The following CSTPP1 variants were observed in gnomAD, a reference collection of about 807,000 sequenced individuals.
CSTPP1 encodes centriolar satellite-associated tubulin polyglutamylase complex regulator 1.
the CSTPP1 span, among the ~76,000 whole-genome samples, chr11:47,034,012 G>A: frequency 6.6e-5 from 10 of 151,874 alleles, no homozygotes; most frequent in Admixed American, 2.0e-4. Flanking sequence ...CATCATTTAC[G>A]TTAGGTATAT....
At chr11:46,986,499 G>A in the CSTPP1 span, among the ~76,000 whole-genome samples, 4 of 148,590 alleles carry the variant, frequency 2.7e-5, no homozygotes, top group East Asian at 7.9e-4. Flanking sequence ...TGGCTCTGTC[G>A]CCCAGGCTGG....
chr11:47,062,927 G>T, the CSTPP1 span, among the ~76,000 whole-genome samples: 1 of 152,194 alleles, frequency 6.6e-6, no homozygotes, highest in Non-Finnish European at 1.5e-5. Context: ...AGATGCAGCT[G>T]CTCCCTTTAG....
At chr11:47,159,558 G>T in the CSTPP1 span, 7 of 449,382 alleles carry the variant, frequency 1.6e-5, no homozygotes, top group African/African-American at 1.4e-4. Context: ...TCAAGAGTAA[G>T]GGGGAGGCGG....
At chr11:47,077,505 TA>T in the CSTPP1 span, among the ~76,000 whole-genome samples, 1 of 152,136 alleles carries the variant, frequency 6.6e-6, no homozygotes, top group Non-Finnish European at 1.5e-5. Context: ...CAGCCGAGGA[TA>T]AAGATTTTTA....
chr11:47,105,362 T>C, the CSTPP1 span, among the ~76,000 whole-genome samples: 1 of 152,064 alleles, frequency 6.6e-6, no homozygotes, highest in South Asian at 2.1e-4. Flanking sequence ...TTAAAAGTAG[T>C]TGGGCGTGGT....
chr11:47,069,438 C>T, the CSTPP1 span, among the ~76,000 whole-genome samples: 1 of 152,260 alleles, frequency 6.6e-6, no homozygotes, highest in South Asian at 2.1e-4. Flanking sequence ...ATGCATTGCC[C>T]ATGTGATTTT....
the CSTPP1 span, among the ~76,000 whole-genome samples, chr11:47,049,340 AAAAATATGTAGAT>A: frequency 1.5e-4 from 23 of 151,978 alleles, no homozygotes; most frequent in Non-Finnish European, 2.9e-4. Flanking sequence ...AGACATTTTC[AAAAATATGTAGAT>A]AGGCCAGGCG....
At chr11:47,161,579 C>A in the CSTPP1 span, 1 of 1,614,070 alleles carries the variant, frequency 6.2e-7, no homozygotes, top group Middle Eastern at 1.6e-4. Context: ...CCATCATTCC[C>A]GAAAAGTGGA....
the CSTPP1 span, among the ~76,000 whole-genome samples, chr11:47,017,315 C>T: frequency 4.6e-5 from 7 of 151,700 alleles, no homozygotes; most frequent in African/African-American, 1.7e-4. Context: ...GCTGGGACTA[C>T]AGGTGCATGC....
At chr11:47,044,294 T>A in the CSTPP1 span, among the ~76,000 whole-genome samples, 1 of 152,138 alleles carries the variant, frequency 6.6e-6, no homozygotes, top group Non-Finnish European at 1.5e-5. Flanking sequence ...GACAGTTTAT[T>A]TTTATTTATC....
chr11:47,161,568 T>G, the CSTPP1 span: 2 of 1,614,094 alleles, frequency 1.2e-6, no homozygotes, highest in Non-Finnish European at 1.7e-6. Context: ...TGGAGACCTC[T>G]CCATCATTCC....
the CSTPP1 span, among the ~76,000 whole-genome samples, chr11:46,958,473 A>AT: frequency 2.8e-5 from 4 of 144,996 alleles, no homozygotes; most frequent in East Asian, 8.3e-4. Context: ...ATATGTGGAT[A>AT]TTTTTTCTTT....
the CSTPP1 span, among the ~76,000 whole-genome samples, chr11:47,085,397 T>C: frequency 6.6e-6 from 1 of 152,144 alleles, no homozygotes; most frequent in Non-Finnish European, 1.5e-5. Context: ...GGTGGTATCA[T>C]ATTAATGAAT....
chr11:47,153,874 G>A, the CSTPP1 span, among the ~76,000 whole-genome samples: 1 of 152,282 alleles, frequency 6.6e-6, no homozygotes, highest in East Asian at 1.9e-4. Flanking sequence ...CCAGTTGCCA[G>A]TCTGGGAAAC....
At chr11:47,078,230 G>T in the CSTPP1 span, among the ~76,000 whole-genome samples, 1 of 152,214 alleles carries the variant, frequency 6.6e-6, no homozygotes, top group African/African-American at 2.4e-5. Context: ...AGTATGACAG[G>T]TTAGAAGAAT....
the CSTPP1 span, chr11:47,041,660 TG>T: frequency 2.2e-6 from 1 of 445,292 alleles, no homozygotes. Flanking sequence ...AAGAACTCAC[TG>T]GGCAGCTATG....
the CSTPP1 span, among the ~76,000 whole-genome samples, chr11:47,118,769 G>C: frequency 6.6e-6 from 1 of 152,204 alleles, no homozygotes; most frequent in East Asian, 1.9e-4. Context: ...GTTTGCCTGG[G>C]TATCACCAGC....
chr11:46,946,606 C>G, the CSTPP1 span, among the ~76,000 whole-genome samples: 1 of 152,116 alleles, frequency 6.6e-6, no homozygotes, highest in East Asian at 1.9e-4. Flanking sequence ...TGCAGTGAGC[C>G]GAGATTGCAC....
At chr11:47,130,509 T>A in the CSTPP1 span, among the ~76,000 whole-genome samples, 4 of 152,220 alleles carry the variant, frequency 2.6e-5, no homozygotes, top group Non-Finnish European at 5.9e-5. Flanking sequence ...TAAAATTGAA[T>A]AACACAGCCT....
Sources: allele counts gnomAD v4.1 joint callset (sites outside exome capture counted in the v4.1 genomes callset), GRCh38; gene constraint gnomAD v4.1.1; transcripts MANE v1.5; gene names NCBI Gene and HGNC (gene_info 2026-07-23, HGNC 2026-07-21).